Variants in NCALD observed in about 807,000 individuals in gnomAD.
NCALD encodes neurocalcin delta.
Under a neutral mutation model 18.6 loss-of-function variants are expected in NCALD, and 10 were observed. That is an observed-to-expected ratio of 0.54 (90% CI 0.33 to 0.91). The LOEUF is 0.91. Among genes scored for constraint, NCALD ranks in the 40% least tolerant of loss-of-function variants. The probability of loss-of-function intolerance (pLI) is 0.03; values close to 1 mark genes in which losing one functional copy is unlikely to be tolerated. For missense variants in NCALD, 184 were observed against 247.6 expected, an observed-to-expected ratio of 0.74 and a Z score of 1.72; for synonymous variants, 88 against 87.4, an observed-to-expected ratio of 1.01 and a Z score of -0.04.
upstream of NCALD, among the ~76,000 whole-genome samples, chr8:101,795,137 A>T (rs1812591483): frequency 6.6e-6 from 1 of 152,214 alleles, no homozygotes; most frequent in Non-Finnish European, 1.5e-5. Flanking sequence ...GGCTTGGGTG[A>T]GTTCTGTTTC....
chr8:101,815,372 G>A (rs915601920), intron 4 of NCALD, among the ~76,000 whole-genome samples: 2 of 152,020 alleles, frequency 1.3e-5, no homozygotes, highest in African/African-American at 2.4e-5. Flanking sequence ...AGCACAGATA[G>A]TCTTTTCAAC....
chr8:102,092,814 A>G (rs1464900827), intron 1 of NCALD, among the ~76,000 whole-genome samples: 2 of 152,182 alleles, frequency 1.3e-5, no homozygotes, highest in Non-Finnish European at 2.9e-5. Flanking sequence ...CTCTACAATT[A>G]AGACAGTTCC....
intron 2 of NCALD, among the ~76,000 whole-genome samples, chr8:101,921,886 T>C (rs1818177430): frequency 6.6e-6 from 1 of 152,160 alleles, no homozygotes; most frequent in Non-Finnish European, 1.5e-5. Context: ...ATAATTTTTA[T>C]GTATATTCCT....
intron 2 of NCALD, among the ~76,000 whole-genome samples, chr8:102,000,709 G>T (rs1371071491): frequency 6.6e-6 from 1 of 152,228 alleles, no homozygotes; most frequent in African/African-American, 2.4e-5. Context: ...AACAACACTT[G>T]CTGTTCACCA....
At chr8:101,826,973 G>A (rs1164879314) in intron 4 of NCALD, among the ~76,000 whole-genome samples, 2 of 152,150 alleles carry the variant, frequency 1.3e-5, no homozygotes, top group Non-Finnish European at 2.9e-5. Context: ...TTTGTTTCCT[G>A]TGGCTGCTGT....
chr8:102,098,245 A>G (rs1394990683), intron 1 of NCALD, among the ~76,000 whole-genome samples: 1 of 152,002 alleles, frequency 6.6e-6, no homozygotes, highest in African/African-American at 2.4e-5. Context: ...TGGCTTCTAG[A>G]TGGGCTGGGG....
At chr8:102,083,349 A>G (rs1824613869) in intron 1 of NCALD, among the ~76,000 whole-genome samples, 1 of 152,218 alleles carries the variant, frequency 6.6e-6, no homozygotes, top group East Asian at 1.9e-4. Context: ...CCATTCTAGA[A>G]CACCCTATAA....
intron 1 of NCALD, among the ~76,000 whole-genome samples, chr8:101,736,129 A>G (rs1316738542): frequency 6.6e-6 from 1 of 152,026 alleles, no homozygotes. Flanking sequence ...GTACCCCCTA[A>G]TGGCAATAAA....
intron 2 of NCALD, among the ~76,000 whole-genome samples, chr8:101,695,693 T>C (rs1814958223): frequency 6.6e-6 from 1 of 152,124 alleles, no homozygotes; most frequent in African/African-American, 2.4e-5. Context: ...AGCAAGGGGC[T>C]CCAACCCAAC....
At chr8:102,002,312 A>G (rs910932071) in intron 2 of NCALD, among the ~76,000 whole-genome samples, 2 of 152,340 alleles carry the variant, frequency 1.3e-5, no homozygotes, top group Middle Eastern at 3.4e-3. Flanking sequence ...GGATCAATTC[A>G]ACAAGAAGAG....
intron 3 of NCALD, among the ~76,000 whole-genome samples, chr8:101,899,244 G>A (rs1817327321): frequency 6.6e-6 from 1 of 152,006 alleles, no homozygotes; most frequent in Non-Finnish European, 1.5e-5. Context: ...CTTACATCCT[G>A]CAACCTAACT....
intron 1 of NCALD, among the ~76,000 whole-genome samples, chr8:101,753,802 G>A (rs925951826): frequency 6.6e-6 from 1 of 152,146 alleles, no homozygotes; most frequent in Non-Finnish European, 1.5e-5. Context: ...ACCAAGAACT[G>A]AGATTAGCAG....
chr8:101,850,766 T>C (rs1251018669), intron 4 of NCALD, among the ~76,000 whole-genome samples: 2 of 152,194 alleles, frequency 1.3e-5, no homozygotes, highest in African/African-American at 4.8e-5. Context: ...TGATTTTTTT[T>C]AAGTTAGGTC....
chr8:101,789,780 C>T (rs371458914), intron 1 of NCALD, among the ~76,000 whole-genome samples: 4 of 152,206 alleles, frequency 2.6e-5, no homozygotes, highest in African/African-American at 9.6e-5. Context: ...CTTTGGCTAA[C>T]TTCAGTACTA....
chr8:101,902,987 G>T lies in NCALD; in HGVS notation c.-107+12822C>A, dbSNP rs538377289. Reference sequence around the variant, plus strand: ...TTCTCTGCAAGGCAGGGGTGGAGAAGATCGATTTTAAAGGCTTACAGCCTC... The same window carrying T: ...TTCTCTGCAAGGCAGGGGTGGAGAATATCGATTTTAAAGGCTTACAGCCTC... On this transcript the variant is annotated intron_variant, in intron 3 of 6. Transcript: ENST00000311028. 2.0e-5 allele frequency among the ~76,000 whole-genome samples: 3 copies of T among 152,256 alleles called. No homozygotes were observed. In the South Asian group the frequency reaches 6.2e-4, roughly 32 times the overall value.
At chr8:101,986,683 C>T (rs1452511001) in intron 2 of NCALD, 2 of 152,324 alleles carry the variant, frequency 1.3e-5, no homozygotes, top group African/African-American at 4.8e-5. Context: ...TCCTCCTCAC[C>T]CAACTCCACA....
intron 4 of NCALD, among the ~76,000 whole-genome samples, chr8:101,844,078 C>T (rs572441535): frequency 6.6e-6 from 1 of 152,330 alleles, no homozygotes; most frequent in Non-Finnish European, 1.5e-5. Context: ...CCTTCTCTGA[C>T]AGCACGTCCC....
intron 1 of NCALD, among the ~76,000 whole-genome samples, chr8:101,766,600 GT>G (rs1811357955): frequency 6.6e-6 from 1 of 152,046 alleles, no homozygotes; most frequent in Admixed American, 6.6e-5. Context: ...TTTTGTTTTT[GT>G]TTTTTGAGAT....
intron 2 of NCALD, among the ~76,000 whole-genome samples, chr8:101,970,832 C>T (rs1483968965): frequency 6.6e-6 from 1 of 152,168 alleles, no homozygotes; most frequent in Non-Finnish European, 1.5e-5. Context: ...GGTTTTTCTG[C>T]TCCAATACTC....
Sources: allele counts gnomAD v4.1 joint callset (sites outside exome capture counted in the v4.1 genomes callset), GRCh38; gene constraint gnomAD v4.1.1; transcripts MANE v1.5; gene names NCBI Gene and HGNC (gene_info 2026-07-23, HGNC 2026-07-21).